Variants in ERBB4 observed in about 807,000 individuals in gnomAD.
ERBB4 encodes the protein receptor tyrosine-protein kinase erbB-4.
A neutral mutation model predicts 158.0 loss-of-function variants in ERBB4; 42 were observed. That is an observed-to-expected ratio of 0.27 (90% confidence interval 0.21 to 0.34). The LOEUF is 0.34. ERBB4 is among the 10% of genes least tolerant of loss of function. ERBB4 has a pLI of 1.00. For synonymous variants in ERBB4, 583 were observed against 558.7 expected (o/e 1.04, Z -0.61); for missense variants, 1,333 against 1,624.1 (o/e 0.82, Z 3.08).
intron 7 of ERBB4, 147 bp downstream of exon 7, chr2:211,722,245 CT>C: frequency 1.5e-6 from 1 of 664,504 alleles, no homozygotes; most frequent in Non-Finnish European, 2.6e-6. Flanking sequence ...GGTTTAGTTT[CT>C]TTATTTATAA....
chr2:211,658,029 G>GA (rs769347289), intron 15 of ERBB4: 47 of 1,493,252 alleles, frequency 3.1e-5, no homozygotes, highest in South Asian at 3.0e-4. Flanking sequence ...AATACAAGGG[G>GA]AAAAAATTAG....
At chr2:212,047,687 T>C (rs1458396728) in intron 2 of ERBB4, among the ~76,000 whole-genome samples, 2 of 151,406 alleles carry the variant, frequency 1.3e-5, no homozygotes, top group African/African-American at 4.9e-5. Flanking sequence ...TTTCACCATG[T>C]TGCCCAGGCT....
chr2:211,719,518 C>T (rs1276640636), intron 7 of ERBB4, among the ~76,000 whole-genome samples: 1 of 152,130 alleles, frequency 6.6e-6, no homozygotes, highest in Non-Finnish European at 1.5e-5. Flanking sequence ...TGAAAACCTT[C>T]CCACACCCAG....
intron 1 of ERBB4, among the ~76,000 whole-genome samples, chr2:212,174,172 T>C (rs1357822441): frequency 6.6e-6 from 1 of 151,884 alleles, no homozygotes; most frequent in Non-Finnish European, 1.5e-5. Context: ...GAAAAAGGAG[T>C]TCTATGATGT....
chr2:211,606,048 G>A (rs1379075410), intron 19 of ERBB4, among the ~76,000 whole-genome samples: 1 of 151,936 alleles, frequency 6.6e-6, no homozygotes, highest in Non-Finnish European at 1.5e-5. Context: ...AATTCACCCA[G>A]GAGTTTAAAT....
Position 211,441,200 on chromosome 2 carries a change from T to C in ERBB4, c.2488-10100A>G, listed in dbSNP as rs563089364. ...TCTTCCTCGGAATTCCAGGGCTTTG[T>C]TTCCATCTAGTTCCTGCATAAAGAC... is the stretch of plus-strand genomic sequence containing the variant. On this transcript the variant is annotated intron_variant, in intron 20 of 27. Transcript: ENST00000342788. Among the ~76,000 whole-genome samples the C allele has an allele frequency of 5.9e-5, 9 of 152,308 alleles. No homozygotes were observed. The East Asian group carries it at 1.5e-3, about 26-fold the overall frequency.
intron 2 of ERBB4, among the ~76,000 whole-genome samples, chr2:212,112,727 T>A (rs965457500): frequency 1.3e-5 from 2 of 152,200 alleles, no homozygotes; most frequent in Non-Finnish European, 2.9e-5. Flanking sequence ...GAGATGGTGT[T>A]AGGCATAAAA....
chr2:212,168,008 G>C (rs1177578672), intron 1 of ERBB4, among the ~76,000 whole-genome samples: 1 of 151,308 alleles, frequency 6.6e-6, no homozygotes, highest in African/African-American at 2.4e-5. Context: ...CATGGCACAC[G>C]TATACCTATG....
At chr2:211,388,104 A>G in intron 25 of ERBB4, 112 bp from the exon 26 acceptor site, 1 of 804,986 alleles carries the variant, frequency 1.2e-6, no homozygotes, top group Non-Finnish European at 2.2e-6. Flanking sequence ...ACCAAAGGGG[A>G]AAAAGTGCAC....
At position 212,160,648 on chromosome 2, in the gene ERBB4, A is replaced by T. The variant is rs79840597; in HGVS notation, c.83-35745T>A. Among the ~76,000 whole-genome samples the T allele has an allele frequency of 6.6e-3, 1,002 of 152,104 alleles. 7 individuals carry two copies. The highest frequency in any genetic ancestry group is 0.023 in the African/African-American group (938 of 41,544). ...TCCTCTTAGAAGAAGAGGGATGTGC[A>T]TCCAATGCCAAATTCTACTGAAAAT... On this transcript the variant is annotated intron_variant, in intron 1 of 27. Coordinates refer to ENST00000342788, the MANE Select transcript of ERBB4 (RefSeq NM_005235.3).
chr2:212,232,371 T>C (rs966071103), intron 1 of ERBB4, among the ~76,000 whole-genome samples: 1 of 152,142 alleles, frequency 6.6e-6, no homozygotes, highest in South Asian at 2.1e-4. Flanking sequence ...TAAGTAGATA[T>C]AAGAGTTTTC....
At chr2:211,983,805 T>G (rs1008304849) in intron 2 of ERBB4, among the ~76,000 whole-genome samples, 2 of 152,188 alleles carry the variant, frequency 1.3e-5, no homozygotes, top group African/African-American at 4.8e-5. Context: ...AATAGAGATC[T>G]GCTACAAAAC....
chr2:212,407,925 A>C (rs551057747), intron 1 of ERBB4, among the ~76,000 whole-genome samples: 2 of 152,176 alleles, frequency 1.3e-5, no homozygotes, highest in African/African-American at 4.8e-5. Context: ...AAATTTGAAA[A>C]TTTAGGTATA....
In ERBB4 at chr2:212,321,387, A is replaced by G. The variant is rs918050720; in HGVS notation, c.83-196484T>C. Among the ~76,000 whole-genome samples the G allele has an allele frequency of 4.0e-5, 6 of 150,612 alleles. 1 individual carries two copies. Among genetic ancestry groups the G allele is most frequent in the Non-Finnish European group, 1.5e-5 (1 of 67,194 alleles). On this transcript the variant is annotated intron_variant, in intron 1 of 27. Coordinates refer to ENST00000342788, the MANE Select transcript of ERBB4 (RefSeq NM_005235.3). Reference sequence around the variant, plus strand: ...CTTAATTAGAATCTAATATAATTTAAGACACTGAACTGTTTATATGGCAGA... The same window carrying G: ...CTTAATTAGAATCTAATATAATTTAGGACACTGAACTGTTTATATGGCAGA...
At chr2:211,714,334 A>G (rs916780557) in intron 7 of ERBB4, among the ~76,000 whole-genome samples, 1 of 152,204 alleles carries the variant, frequency 6.6e-6, no homozygotes, top group Non-Finnish European at 1.5e-5. Context: ...AGGAAACACA[A>G]TACCTGCTAG....
At chr2:211,731,347 T>C (rs1467418565) in intron 5 of ERBB4, among the ~76,000 whole-genome samples, 1 of 152,158 alleles carries the variant, frequency 6.6e-6, no homozygotes, top group Non-Finnish European at 1.5e-5. Flanking sequence ...ATTATGATCA[T>C]AAAACATATG....
intron 3 of ERBB4, among the ~76,000 whole-genome samples, chr2:211,902,679 A>G (rs2125036424): frequency 6.6e-6 from 1 of 151,798 alleles, no homozygotes; most frequent in South Asian, 2.1e-4. Flanking sequence ...TAAAGTCTCA[A>G]AATTGAGTAA....
intron 2 of ERBB4, among the ~76,000 whole-genome samples, chr2:211,963,039 T>C (rs1399707177): frequency 6.6e-6 from 1 of 152,168 alleles, no homozygotes; most frequent in African/African-American, 2.4e-5. Flanking sequence ...ATGTTTTTAA[T>C]CTTCAAATAA....
intron 2 of ERBB4, among the ~76,000 whole-genome samples, chr2:211,954,622 G>C (rs1359673071): frequency 6.6e-6 from 1 of 152,034 alleles, no homozygotes; most frequent in East Asian, 1.9e-4. Flanking sequence ...TAGTATCACA[G>C]AGAAGAGTAG....
Sources: gnomAD v4.1 joint callset for allele counts (sites outside exome capture counted in the v4.1 genomes callset) on GRCh38, gnomAD v4.1.1 for gene constraint, MANE v1.5 for transcripts, NCBI Gene and HGNC (gene_info 2026-07-23, HGNC 2026-07-21) for gene names.